Variants in LEMD3 observed in about 807,000 individuals in gnomAD.
LEMD3 encodes the protein inner nuclear membrane protein Man1.
In LEMD3, 33 loss-of-function variants were observed where a neutral mutation model predicts 95.2. The ratio of observed to expected loss-of-function variants is 0.35; its 90% confidence interval spans 0.26 to 0.46. The LOEUF (loss-of-function observed/expected upper bound fraction) is 0.46. LEMD3 is among the 20% of genes least tolerant of loss of function. The pLI is 1.00. For missense variants in LEMD3, 1,210 were observed against 1,192.8 expected (o/e 1.01, Z -0.21); for synonymous variants, 525 against 474.6 (o/e 1.11, Z -1.38).
intron 4 of LEMD3, among the ~76,000 whole-genome samples, chr12:65,221,214 G>A (rs941996670): frequency 7.2e-6 from 1 of 138,352 alleles, no homozygotes; most frequent in African/African-American, 2.7e-5. Context: ...CAGTGTATAA[G>A]TCTTTCACCT....
chr12:65,195,381 A>G (rs1204469809), intron 1 of LEMD3, among the ~76,000 whole-genome samples: 1 of 152,100 alleles, frequency 6.6e-6, no homozygotes, highest in Non-Finnish European at 1.5e-5. Flanking sequence ...GTCTAAATAC[A>G]AAACTCACTT....
intron 1 of LEMD3, among the ~76,000 whole-genome samples, chr12:65,206,489 A>G (rs1475265219): frequency 3.3e-5 from 5 of 152,154 alleles, no homozygotes; most frequent in Admixed American, 6.5e-5. Flanking sequence ...GGCACTTTAT[A>G]TGTTTGCGAA....
intron 2 of LEMD3, among the ~76,000 whole-genome samples, chr12:65,215,195 A>G (rs1870065247): frequency 6.6e-6 from 1 of 152,194 alleles, no homozygotes; most frequent in African/African-American, 2.4e-5. Flanking sequence ...TCATGCCTTC[A>G]TGCCCTTGCT....
chr12:65,246,492 G>T lies in LEMD3; in HGVS notation c.*167G>T. 4.7e-6 allele frequency: 3 copies of T among 644,480 alleles called. No homozygotes were observed. Among genetic ancestry groups the T allele is most frequent in the Non-Finnish European group, 8.3e-6 (3 of 363,504 alleles). 39.9% of individuals were successfully genotyped at this position (644,480 alleles called of 1,614,324 possible). ...TCCAAAGGGATTTAGCAGTGAGGCA[G>T]CAATGCTGAGTAGGTAGGATAATTA... On this transcript the variant is annotated 3_prime_UTR_variant, in exon 13 of 13. Transcript: ENST00000308330.
chr12:65,192,956 C>T (rs1869290607), intron 1 of LEMD3, among the ~76,000 whole-genome samples: 1 of 152,140 alleles, frequency 6.6e-6, no homozygotes, highest in South Asian at 2.1e-4. Context: ...ATTTTTACAG[C>T]ATGTGCATGT....
At chr12:65,185,562 G>A (rs1473413001) in intron 1 of LEMD3, among the ~76,000 whole-genome samples, 2 of 151,670 alleles carry the variant, frequency 1.3e-5, no homozygotes, top group Non-Finnish European at 2.9e-5. Flanking sequence ...TAATATAAGT[G>A]GATATCAAAA....
chr12:65,230,390 T>G (rs1870585793), intron 4 of LEMD3, among the ~76,000 whole-genome samples: 1 of 152,158 alleles, frequency 6.6e-6, no homozygotes, highest in South Asian at 2.1e-4. Flanking sequence ...TTTTTGGTAG[T>G]GTAGTTTTCA....
chr12:65,175,155 C>G (rs1868675674), intron 1 of LEMD3, among the ~76,000 whole-genome samples: 2 of 152,136 alleles, frequency 1.3e-5, no homozygotes, highest in Admixed American at 6.5e-5. Context: ...TCATAAAGAC[C>G]TAAACGCCTT....
intron 4 of LEMD3, among the ~76,000 whole-genome samples, chr12:65,227,629 A>G (rs1870491175): frequency 6.6e-6 from 1 of 152,142 alleles, no homozygotes; most frequent in Admixed American, 6.5e-5. Flanking sequence ...AGTTATTATT[A>G]TACTGTATCA....
intron 1 of LEMD3, among the ~76,000 whole-genome samples, chr12:65,177,641 T>G (rs1480141126): frequency 6.6e-6 from 1 of 152,174 alleles, no homozygotes; most frequent in Non-Finnish European, 1.5e-5. Flanking sequence ...GGAATACTTT[T>G]AAATGTTTGT....
chr12:65,217,316 A>T (rs1403626192), intron 3 of LEMD3, among the ~76,000 whole-genome samples: 1 of 152,220 alleles, frequency 6.6e-6, no homozygotes, highest in East Asian at 1.9e-4. Context: ...CATTTATAAA[A>T]ACCAGAGTAG....
chr12:65,179,561 C>T (rs1179190223), intron 1 of LEMD3, among the ~76,000 whole-genome samples: 1 of 152,100 alleles, frequency 6.6e-6, no homozygotes, highest in Non-Finnish European at 1.5e-5. Flanking sequence ...GTACTACTAA[C>T]TTGTTTGTGA....
intron 1 of LEMD3, among the ~76,000 whole-genome samples, chr12:65,191,381 T>C (rs888891976): frequency 1.3e-5 from 2 of 152,148 alleles, no homozygotes; most frequent in Non-Finnish European, 2.9e-5. Flanking sequence ...ATCAAAATTA[T>C]GACTGGTAAC....
chr12:65,245,430 C>T (rs567573333), intron 10 of LEMD3: 24 of 470,652 alleles, frequency 5.1e-5, no homozygotes, highest in East Asian at 2.9e-4. Flanking sequence ...TGAGCCACCG[C>T]GCCTGGCCAG....
chr12:65,236,071 A>G (rs1490034748), intron 4 of LEMD3, among the ~76,000 whole-genome samples: 1 of 152,232 alleles, frequency 6.6e-6, no homozygotes, highest in Non-Finnish European at 1.5e-5. Flanking sequence ...TTGATACATT[A>G]GAATAACTTA....
chr12:65,198,686 A>G (rs769003929), intron 1 of LEMD3, among the ~76,000 whole-genome samples: 3 of 152,136 alleles, frequency 2.0e-5, no homozygotes, highest in Non-Finnish European at 2.9e-5. Context: ...TTTGCATATA[A>G]CCCATGCACA....
chr12:65,234,578 G>T (rs1732636093), intron 4 of LEMD3, among the ~76,000 whole-genome samples: 1 of 151,926 alleles, frequency 6.6e-6, no homozygotes, highest in South Asian at 2.1e-4. Context: ...ATAATCAATT[G>T]TTTATTGAGA....
At chr12:65,182,095 G>C (rs1398101339) in intron 1 of LEMD3, among the ~76,000 whole-genome samples, 2 of 152,090 alleles carry the variant, frequency 1.3e-5, no homozygotes, top group African/African-American at 4.8e-5. Flanking sequence ...ATTTGTCCAA[G>C]GTCCCACAGC....
intron 1 of LEMD3, among the ~76,000 whole-genome samples, chr12:65,172,325 G>A (rs1056477410): frequency 1.3e-5 from 2 of 152,146 alleles, no homozygotes; most frequent in African/African-American, 4.8e-5. Context: ...TTTCACCCAA[G>A]ATGAATTCAC....
Sources: allele counts gnomAD v4.1 joint callset (sites outside exome capture counted in the v4.1 genomes callset), GRCh38; gene constraint gnomAD v4.1.1; transcripts MANE v1.5; gene names NCBI Gene and HGNC (gene_info 2026-07-23, HGNC 2026-07-21).